Variants in TRIM44 observed in about 807,000 individuals in gnomAD.
TRIM44 encodes the protein tripartite motif containing 44.
In TRIM44, 13 loss-of-function variants were observed where a neutral mutation model predicts 37.4. That is an observed-to-expected ratio of 0.35 (90% confidence interval 0.23 to 0.55). TRIM44 has a LOEUF of 0.55. Ranked by LOEUF, TRIM44 falls within the 20% of genes least tolerant of loss-of-function variation. The probability of loss-of-function intolerance (pLI) is 0.89; values close to 1 mark genes in which losing one functional copy is unlikely to be tolerated. For synonymous variants in TRIM44, 175 were observed against 157.2 expected (o/e 1.11, Z -0.85); for missense variants, 426 against 437.2 (o/e 0.97, Z 0.23).
intron 4 of TRIM44, among the ~76,000 whole-genome samples, chr11:35,762,503 A>G (rs1565007820): frequency 6.6e-6 from 1 of 152,170 alleles, no homozygotes. Context: ...GTCAGGGAAT[A>G]AGTCTTTATT....
intron 2 of TRIM44, among the ~76,000 whole-genome samples, chr11:35,695,188 C>T (rs1196631682): frequency 6.6e-6 from 1 of 152,088 alleles, no homozygotes; most frequent in African/African-American, 2.4e-5. Flanking sequence ...TTCTCTACGA[C>T]GAGTCATGGA....
At chr11:35,800,229 C>T (rs1219636411) in intron 4 of TRIM44, among the ~76,000 whole-genome samples, 2 of 152,154 alleles carry the variant, frequency 1.3e-5, no homozygotes, top group African/African-American at 2.4e-5. Context: ...CGGACCTTCA[C>T]GGCGAGTGTT....
In TRIM44 at chr11:35,807,392, C is replaced by T. The variant is rs923405417; in HGVS notation, c.*1007C>T. 3.9e-5 allele frequency: 6 copies of T among 152,116 alleles called. No individual in the cohort carries two copies. The highest frequency in any genetic ancestry group is 1.9e-4 in the East Asian group (1 of 5,194). The allele number at this position is 152,116 out of a possible 1,614,324, so 9.4% of individuals were successfully genotyped here. On this transcript the variant is annotated 3_prime_UTR_variant, in exon 5 of 5. Transcript: ENST00000299413. ...ATATAGATATATCCTCCTTTAACTC[C>T]GACCAGAACCCTTCTTCCTGTGGCA...
intron 1 of TRIM44, among the ~76,000 whole-genome samples, chr11:35,671,581 C>T (rs1470776123): frequency 6.6e-6 from 1 of 152,106 alleles, no homozygotes; most frequent in African/African-American, 2.4e-5. Flanking sequence ...CTGATATTGG[C>T]AATAGAAGGC....
At chr11:35,788,035 C>T (rs1302595519) in intron 4 of TRIM44, among the ~76,000 whole-genome samples, 2 of 152,196 alleles carry the variant, frequency 1.3e-5, no homozygotes. Flanking sequence ...CTACTTCTAA[C>T]TCACCTGGTC....
intron 2 of TRIM44, among the ~76,000 whole-genome samples, chr11:35,706,249 C>T (rs111580148): frequency 2.0e-5 from 3 of 149,648 alleles, no homozygotes; most frequent in Non-Finnish European, 4.5e-5. Flanking sequence ...ATAACAGGCT[C>T]TGAAATTGTG....
intron 4 of TRIM44, among the ~76,000 whole-genome samples, chr11:35,793,149 G>A (rs1226967077): frequency 1.4e-5 from 2 of 141,450 alleles, no homozygotes; most frequent in African/African-American, 5.3e-5. Context: ...AGTCATGACC[G>A]GCTGCAGTTA....
At chr11:35,743,210 A>C (rs1178653128) in intron 4 of TRIM44, among the ~76,000 whole-genome samples, 2 of 152,192 alleles carry the variant, frequency 1.3e-5, no homozygotes, top group East Asian at 3.9e-4. Flanking sequence ...GAATAACTGC[A>C]TGACTGGCCT....
chr11:35,700,586 C>T (rs1851774594), intron 2 of TRIM44, among the ~76,000 whole-genome samples: 1 of 152,212 alleles, frequency 6.6e-6, no homozygotes, highest in South Asian at 2.1e-4. Context: ...CACAACAACA[C>T]AGACCATCTA....
rs555547005 is a variant in TRIM44, at chr11:35,800,163, C to T, written c.1008-6195C>T. ...GTTCCTTCAGATGTTCAGATGTGTC[C>T]GGAGTTTCTTCCTTCCAGTGGGTTT... On this transcript the variant is annotated intron_variant, in intron 4 of 4. Coordinates refer to ENST00000299413, the MANE Select transcript of TRIM44 (RefSeq NM_017583.6). Among the ~76,000 whole-genome samples, 23 of 152,080 alleles carry T rather than the reference C, an allele frequency of 1.5e-4. No homozygotes were observed. In the East Asian group the frequency reaches 1.7e-3, roughly 11 times the overall value.
At chr11:35,665,586 G>GTTTT (rs35522287) in intron 1 of TRIM44, among the ~76,000 whole-genome samples, 3 of 71,518 alleles carry the variant, frequency 4.2e-5, no homozygotes, top group African/African-American at 5.7e-5. Context: ...TTATATATCT[G>GTTTT]TTTTTTTTTT....
chr11:35,786,804 A>C (rs975293228), intron 4 of TRIM44, among the ~76,000 whole-genome samples: 1 of 152,132 alleles, frequency 6.6e-6, no homozygotes, highest in African/African-American at 2.4e-5. Flanking sequence ...AGGCACCATG[A>C]AGTGTTTTGG....
At chr11:35,753,383 CAG>C (rs1219885470) in intron 4 of TRIM44, among the ~76,000 whole-genome samples, 1 of 152,162 alleles carries the variant, frequency 6.6e-6, no homozygotes, top group East Asian at 1.9e-4. Context: ...TACAGCTTGA[CAG>C]AGATTCTACT....
At chr11:35,763,121 C>A (rs548720732) in intron 4 of TRIM44, among the ~76,000 whole-genome samples, 30 of 152,184 alleles carry the variant, frequency 2.0e-4, no homozygotes, top group Middle Eastern at 3.4e-3. Flanking sequence ...TATTCTAAGA[C>A]CAAAGCTAAA....
chr11:35,752,761 C>T (rs1174420511), intron 4 of TRIM44, among the ~76,000 whole-genome samples: 1 of 152,216 alleles, frequency 6.6e-6, no homozygotes, highest in Non-Finnish European at 1.5e-5. Flanking sequence ...ATGTTCCCCT[C>T]TGCAGGAATG....
intron 4 of TRIM44, among the ~76,000 whole-genome samples, chr11:35,770,684 G>T (rs138599664): frequency 6.6e-6 from 1 of 152,240 alleles, no homozygotes; most frequent in Non-Finnish European, 1.5e-5. Context: ...TGGCCGCTTG[G>T]ATGTTGATAT....
intron 1 of TRIM44, among the ~76,000 whole-genome samples, chr11:35,668,634 T>C (rs768369450): frequency 6.6e-6 from 1 of 152,252 alleles, no homozygotes; most frequent in Non-Finnish European, 1.5e-5. Flanking sequence ...TTAAATTGAT[T>C]CAGTGTCTTA....
Position 35,689,447 on chromosome 11 carries a change from C to T in TRIM44, c.747+4111C>T, listed in dbSNP as rs11033239. ...ACAAACAATCTTTAGTTTGTCAAAA[C>T]GATTAGTAGGAAATGGTCTTTTACA... On this transcript the variant is annotated intron_variant, in intron 2 of 4. Coordinates refer to ENST00000299413, the MANE Select transcript of TRIM44 (RefSeq NM_017583.6). Among the ~76,000 whole-genome samples the T allele has an allele frequency of 0.014, 2,126 of 152,212 alleles. 118 individuals carry two copies. The East Asian group carries it at 0.14, about 10-fold the overall frequency.
intron 2 of TRIM44, among the ~76,000 whole-genome samples, chr11:35,688,568 T>G (rs1051700920): frequency 1.5e-4 from 23 of 152,196 alleles, no homozygotes; most frequent in Non-Finnish European, 5.9e-5. Flanking sequence ...TACAATTGCT[T>G]TTTCCTTTAT....
Sources: allele counts gnomAD v4.1 joint callset (sites outside exome capture counted in the v4.1 genomes callset), GRCh38; gene constraint gnomAD v4.1.1; transcripts MANE v1.5; gene names NCBI Gene and HGNC (gene_info 2026-07-23, HGNC 2026-07-21).